The following EYA1 variants were observed in gnomAD, a reference collection of about 807,000 sequenced individuals.
The protein encoded by EYA1 is protein phosphatase EYA1.
Under a neutral mutation model 82.0 loss-of-function variants are expected in EYA1, and 16 were observed. That is an observed-to-expected ratio of 0.20 (90% confidence interval 0.13 to 0.30). The LOEUF (loss-of-function observed/expected upper bound fraction) is 0.30. Ranked by LOEUF, EYA1 falls within the 10% of genes least tolerant of loss-of-function variation. EYA1 has a pLI of 1.00. For synonymous variants in EYA1, 261 were observed against 264.4 expected, an observed-to-expected ratio of 0.99 and a Z score of 0.12; for missense variants, 633 against 730.7, an observed-to-expected ratio of 0.87 and a Z score of 1.54.
intron 3 of EYA1, among the ~76,000 whole-genome samples, chr8:71,354,523 A>C (rs1034194241): frequency 6.6e-6 from 1 of 152,248 alleles, no homozygotes; most frequent in African/African-American, 2.4e-5. Flanking sequence ...AATGTTATGC[A>C]CACAAATATG....
intron 2 of EYA1, among the ~76,000 whole-genome samples, chr8:71,431,626 A>G (rs761023364): frequency 6.6e-6 from 1 of 152,150 alleles, no homozygotes; most frequent in Non-Finnish European, 1.5e-5. Context: ...ACCCACCAGT[A>G]TTTTCCAAAT....
intron 2 of EYA1, among the ~76,000 whole-genome samples, chr8:71,508,268 T>G (rs1812341479): frequency 6.6e-6 from 1 of 152,144 alleles, no homozygotes; most frequent in Non-Finnish European, 1.5e-5. Flanking sequence ...AGAGGGGTTT[T>G]GGGGGGTTTT....
At chr8:71,519,721 G>A (rs539137371) in intron 2 of EYA1, among the ~76,000 whole-genome samples, 4 of 150,786 alleles carry the variant, frequency 2.7e-5, no homozygotes, top group Non-Finnish European at 4.4e-5. Flanking sequence ...CATTCCAGCC[G>A]CCTGTTTCAA....
intron 2 of EYA1, among the ~76,000 whole-genome samples, chr8:71,425,691 AGT>A (rs533452636): frequency 0.012 from 1,888 of 151,240 alleles, 39 homozygotes; most frequent in African/African-American, 0.044. Flanking sequence ...TTGAATCCTT[AGT>A]GTGTGTGTGT....
chr8:71,299,440 A>C (rs1360944211), intron 8 of EYA1, among the ~76,000 whole-genome samples, 198 bp downstream of exon 8: 1 of 152,182 alleles, frequency 6.6e-6, no homozygotes, highest in Non-Finnish European at 1.5e-5. Context: ...TTGCTTTTCT[A>C]TGATGCAATA....
At chr8:71,270,806 T>C (rs7011773) in intron 10 of EYA1, among the ~76,000 whole-genome samples, 18,183 of 152,172 alleles carry the variant, frequency 0.12, 1,529 homozygotes, top group East Asian at 0.44. Flanking sequence ...TCAATATATA[T>C]AAGTGTGTCT....
intron 2 of EYA1, among the ~76,000 whole-genome samples, chr8:71,485,036 A>G (rs1403752574): frequency 2.6e-5 from 4 of 152,268 alleles, no homozygotes; most frequent in South Asian, 2.1e-4. Flanking sequence ...AAGCAGGACT[A>G]GAGTCCAAGG....
chr8:71,314,581 A>C (rs1205313869), intron 7 of EYA1, among the ~76,000 whole-genome samples: 1 of 152,166 alleles, frequency 6.6e-6, no homozygotes, highest in Non-Finnish European at 1.5e-5. Flanking sequence ...TAACCCAAAA[A>C]TCTGAAATCC....
chr8:71,396,866 C>T (rs551967638), intron 2 of EYA1, among the ~76,000 whole-genome samples: 57 of 152,290 alleles, frequency 3.7e-4, no homozygotes, highest in African/African-American at 1.3e-3. Context: ...TGTCGTTGAT[C>T]TGTCTAATGT....
At position 71,445,617 on chromosome 8, in the gene EYA1, C is replaced by G. The variant is rs1293334399; in HGVS notation, c.34-89106G>C. 3.3e-5 allele frequency among the ~76,000 whole-genome samples: 5 copies of G among 152,270 alleles called. No individual in the cohort carries two copies. In the East Asian group the frequency reaches 7.7e-4, roughly 24 times the overall value. ...GGGACTTTGATTTGTGTTGTCTTCA[C>G]AAATCATTCCAAACTTTTTTGTTTT... On this transcript the variant is annotated intron_variant, in intron 2 of 18. Coordinates refer to the EYA1 transcript ENST00000643681.
intron 7 of EYA1, among the ~76,000 whole-genome samples, chr8:71,302,993 G>T (rs1820359213): frequency 7.0e-6 from 1 of 141,908 alleles, no homozygotes; most frequent in Non-Finnish European, 1.6e-5. Flanking sequence ...GAACTTCTTT[G>T]GTCTTTTCCC....
chr8:71,286,248 C>A (rs1389471431), intron 9 of EYA1, among the ~76,000 whole-genome samples: 1 of 152,156 alleles, frequency 6.6e-6, no homozygotes, highest in Non-Finnish European at 1.5e-5. Context: ...GATGGAAACA[C>A]CTCACAGAAC....
chr8:71,508,417 G>A (rs1414646761), intron 2 of EYA1, among the ~76,000 whole-genome samples: 1 of 152,128 alleles, frequency 6.6e-6, no homozygotes, highest in Non-Finnish European at 1.5e-5. Context: ...GGGATTACAG[G>A]CACACAACAC....
At chr8:71,378,651 CTTTATTA>C (rs1828516509) in intron 2 of EYA1, among the ~76,000 whole-genome samples, 2 of 152,224 alleles carry the variant, frequency 1.3e-5, no homozygotes, top group African/African-American at 4.8e-5. Context: ...CACCAGAAAA[CTTTATTA>C]TTTATAATTT....
intron 2 of EYA1, among the ~76,000 whole-genome samples, chr8:71,480,683 G>T (rs2129211550): frequency 6.6e-6 from 1 of 151,648 alleles, no homozygotes; most frequent in East Asian, 1.9e-4. Context: ...ACATGTTAAT[G>T]GATTTAGCAC....
intron 1 of EYA1, among the ~76,000 whole-genome samples, chr8:71,537,044 T>G (rs548145451): frequency 6.6e-6 from 1 of 152,352 alleles, no homozygotes; most frequent in South Asian, 2.1e-4. Context: ...GGTAAAATAT[T>G]CCAAGCATGG....
intron 12 of EYA1, among the ~76,000 whole-genome samples, chr8:71,237,200 C>A (rs1811947975): frequency 6.6e-6 from 1 of 152,150 alleles, no homozygotes; most frequent in African/African-American, 2.4e-5. Context: ...TACAGGCTCA[C>A]ACTACCATGC....
chr8:71,358,339 A>C (rs914687284), intron 1 of EYA1, among the ~76,000 whole-genome samples: 3 of 152,190 alleles, frequency 2.0e-5, no homozygotes, highest in Non-Finnish European at 2.9e-5. Context: ...ATGCTGGTTC[A>C]ACTAGACTCT....
intron 2 of EYA1, among the ~76,000 whole-genome samples, chr8:71,477,982 G>A (rs1809803273): frequency 6.6e-6 from 1 of 152,092 alleles, no homozygotes; most frequent in African/African-American, 2.4e-5. Flanking sequence ...CAGACACAAA[G>A]GCCATAGATA....
Sources: allele counts gnomAD v4.1 joint callset (sites outside exome capture counted in the v4.1 genomes callset), GRCh38; gene constraint gnomAD v4.1.1; transcripts MANE v1.5; gene names NCBI Gene and HGNC (gene_info 2026-07-23, HGNC 2026-07-21).